Variants in EPHX1 observed in about 807,000 individuals in gnomAD.
EPHX1 encodes epoxide hydrolase 1, also known as epoxide hydratase.
EPHX1 carries 40 observed loss-of-function variants against 43.2 expected under a neutral mutation model. The observed-to-expected ratio is 0.93, with a 90% confidence interval of 0.72 to 1.21. EPHX1 has a LOEUF of 1.21. Among genes scored for constraint, EPHX1 ranks in the 50% most tolerant of loss-of-function variants. The pLI, the probability that EPHX1 is intolerant of heterozygous loss-of-function variation, is 0.00. For missense variants in EPHX1, 550 were observed against 570.4 expected (o/e 0.96, Z 0.36); for synonymous variants, 221 against 226.7 (o/e 0.98, Z 0.22).
At chr1:225,829,837 G>A (rs1444792803) in intron 2 of EPHX1, among the ~76,000 whole-genome samples, 1 of 152,214 alleles carries the variant, frequency 6.6e-6, no homozygotes, top group Non-Finnish European at 1.5e-5. Context: ...CACTTTAGGA[G>A]GCTGAGGCGG....
intron 1 of EPHX1, among the ~76,000 whole-genome samples, chr1:225,821,461 G>A (rs1464122359): frequency 6.6e-6 from 1 of 151,684 alleles, no homozygotes; most frequent in South Asian, 2.1e-4. Context: ...GGCCAGGCTG[G>A]TCACGAACTC....
chr1:225,812,236 C>T (rs1666517764), intron 1 of EPHX1, among the ~76,000 whole-genome samples: 1 of 152,202 alleles, frequency 6.6e-6, no homozygotes, highest in Non-Finnish European at 1.5e-5. Flanking sequence ...CGGCCTTCTT[C>T]CCAATTCCAG....
chr1:225,839,379 G>GTT (rs1362924775), intron 5 of EPHX1, 33 bp downstream of exon 5: 1 of 1,596,206 alleles, frequency 6.3e-7, no homozygotes, highest in Non-Finnish European at 8.6e-7. Flanking sequence ...GTGTGTGTGT[G>GTT]TGTGTGTGTG....
chr1:225,812,428 G>C (rs993571289), intron 1 of EPHX1, among the ~76,000 whole-genome samples: 1 of 152,190 alleles, frequency 6.6e-6, no homozygotes, highest in Non-Finnish European at 1.5e-5. Flanking sequence ...CCCTGAATGA[G>C]GGCTCTGTGG....
At chr1:225,810,779 A>G (rs1002302759) in intron 1 of EPHX1, among the ~76,000 whole-genome samples, 33 of 151,338 alleles carry the variant, frequency 2.2e-4, no homozygotes, top group Non-Finnish European at 3.4e-4. Flanking sequence ...GGGGGTCACA[A>G]GGTGCTCAGT....
At chr1:225,833,015 T>C (rs1667703500) in intron 3 of EPHX1, among the ~76,000 whole-genome samples, 1 of 152,226 alleles carries the variant, frequency 6.6e-6, no homozygotes, top group Admixed American at 6.5e-5. Flanking sequence ...AAGGTCTTGC[T>C]GTGTTGCTCA....
At chr1:225,839,459 G>C in intron 5 of EPHX1, 113 bp downstream of exon 5, 1 of 1,542,796 alleles carries the variant, frequency 6.5e-7, no homozygotes, top group East Asian at 2.4e-5. Flanking sequence ...GGGGAGAGGA[G>C]GGAGTGTGAC....
chr1:225,838,131 C>T (rs75485044), intron 3 of EPHX1, among the ~76,000 whole-genome samples: 112 of 152,252 alleles, frequency 7.4e-4, no homozygotes, highest in African/African-American at 2.5e-3. Flanking sequence ...TTGCTTTTAC[C>T]TCCCAGCAAT....
rs149817456 is a variant in EPHX1 at position 225,843,708 on chromosome 1, G to A, written c.1041-790G>A. ...TCAGATCTGTGTTCTAGAAAGAACAGGAATACACTAGGGTGGAAATGGTGG... is the reference window on the plus strand; with the variant it reads ...TCAGATCTGTGTTCTAGAAAGAACAAGAATACACTAGGGTGGAAATGGTGG... On this transcript the variant is annotated intron_variant, in intron 7 of 8. Coordinates refer to ENST00000272167, the MANE Select transcript of EPHX1 (RefSeq NM_001136018.4). Among the ~76,000 whole-genome samples the A allele has an allele frequency of 1.2e-3, 186 of 152,366 alleles. 1 individual carries two copies. The highest frequency in any genetic ancestry group is 3.7e-3 in the African/African-American group (154 of 41,582).
rs1253945439 is a variant in EPHX1 at position 225,834,109 on chromosome 1, AAAG to A, written c.364+2153_364+2155del. On this transcript the variant is annotated intron_variant, in intron 3 of 8. Coordinates refer to ENST00000272167, the MANE Select transcript of EPHX1 (RefSeq NM_001136018.4). The stretch of plus-strand genomic sequence containing the variant: ...CAAGACTCTGTCTCAAAAAAAAAAA[AAAG>A]AAAAAAAAAAAAAGCCGGGTGCGGT... Among the ~76,000 whole-genome samples the A allele has an allele frequency of 2.5e-4, 22 of 87,182 alleles. 1 individual carries two copies. The highest frequency in any genetic ancestry group is 2.0e-3 in the Admixed American group (15 of 7,510). 57.2% of individuals were successfully genotyped at this position (87,182 alleles called of 152,430 possible). A position where few individuals can be genotyped will look rare whatever the true frequency, so the allele number is the denominator to read the frequency against.
Position 225,825,448 on chromosome 1 carries a change from G to A in EPHX1, c.-5-3277G>A, listed in dbSNP as rs376152577. The A allele has an allele frequency of 1.1e-4, 16 of 152,352 alleles. No individual in the cohort carries two copies. The East Asian group carries it at 1.2e-3, about 11-fold the overall frequency. The allele number at this position is 152,352 out of a possible 1,614,324, so 9.4% of individuals were successfully genotyped here. ...AGAACGTGGAGCCTGGTGGACAGGT[G>A]AAAGCACTGGGATCTTTCTGCCCAG... On this transcript the variant is annotated intron_variant, in intron 1 of 8. Coordinates refer to ENST00000272167, the MANE Select transcript of EPHX1 (RefSeq NM_001136018.4).
rs552056481 is a variant in EPHX1 at position 225,845,226 on chromosome 1, A to G, written c.1247A>G (p.Lys416Arg). 6.0e-5 allele frequency: 97 copies of G among 1,614,094 alleles called. 1 individual carries two copies. In the South Asian group the frequency reaches 1.0e-3, roughly 17 times the overall value. The change falls in exon 9 of 9, where the codon AAG (lysine) becomes AGG (arginine). Residue 416 changes from lysine to arginine, a missense_variant. Lys to Arg is a conservative substitution (Grantham distance 26). Transcript: ENST00000272167. ...LHTPEKWVRF[K>R]YPKLISYSYM... The stretch of plus-strand genomic sequence containing the variant: ...ACGCCTGAAAAGTGGGTGAGGTTCA[A>G]GTACCCAAAGCTCATCTCCTATTCC...
chr1:225,819,949 C>T (rs1666908785), intron 1 of EPHX1, among the ~76,000 whole-genome samples: 1 of 152,226 alleles, frequency 6.6e-6, no homozygotes, highest in African/African-American at 2.4e-5. Flanking sequence ...TCTGCCTCAA[C>T]ATCCCAATCT....
At chr1:225,842,340 C>T in intron 6 of EPHX1, 26 bp from the exon 7 acceptor site, 1 of 1,524,158 alleles carries the variant, frequency 6.6e-7, no homozygotes, top group Non-Finnish European at 9.1e-7. Flanking sequence ...GCCTGAGTCT[C>T]TCCCTTGCTC....
intron 1 of EPHX1, among the ~76,000 whole-genome samples, chr1:225,828,402 T>C (rs950965793): frequency 6.6e-6 from 1 of 151,750 alleles, no homozygotes; most frequent in Non-Finnish European, 1.5e-5. Context: ...TACCCAGGGC[T>C]GTGCAGAAGC....
Position 225,838,650 on chromosome 1 carries a change from C to G in EPHX1, c.365-4C>G, listed in dbSNP as rs201200303. On this transcript the variant is annotated splice_region_variant and splice_polypyrimidine_tract_variant and intron_variant, in intron 3 of 8. Transcript: ENST00000272167. ...TCCACCCTGACTGTGCTCTGTCCCC[C>G]CAGGGCTGGACATCCACTTCATCCA... 3.1e-6 allele frequency: 5 copies of G among 1,613,214 alleles called. No homozygotes were observed. In the East Asian group the frequency reaches 1.1e-4, roughly 36 times the overall value.
In EPHX1 at chr1:225,844,616, C is replaced by T. The variant is rs763218220; in HGVS notation, c.1159C>T (p.His387Tyr). 1.1e-5 allele frequency: 17 copies of T among 1,614,086 alleles called. No homozygotes were observed. In the South Asian group the frequency reaches 1.5e-4, roughly 15 times the overall value. ...GGGACAGGGCTGGATGACCCAGAAG[C>T]ATGAGCGGTGAGCCTGGCTGAGCCG... ...NLGQGWMTQK[H>Y]ERMKVYVPTG... The change falls in exon 8 of 9, where the codon CAT becomes TAT. Residue 387 changes from histidine (H) to tyrosine (Y), a missense_variant. Physicochemically the swap from His to Tyr is moderately conservative, Grantham distance 83. Coordinates refer to ENST00000272167, the MANE Select transcript of EPHX1 (RefSeq NM_001136018.4).
At chr1:225,829,969 T>G (rs1667486754) in intron 2 of EPHX1, among the ~76,000 whole-genome samples, 1 of 151,846 alleles carries the variant, frequency 6.6e-6, no homozygotes, top group African/African-American at 2.4e-5. Flanking sequence ...TCCCAGCTAC[T>G]CGGGAGGCTG....
At chr1:225,813,457 T>C (rs918046512) in intron 1 of EPHX1, among the ~76,000 whole-genome samples, 3 of 152,112 alleles carry the variant, frequency 2.0e-5, no homozygotes, top group African/African-American at 7.2e-5. Flanking sequence ...TTGCCAAGGA[T>C]CCAGCCACAC....
Sources: allele counts gnomAD v4.1 joint callset (sites outside exome capture counted in the v4.1 genomes callset), GRCh38; gene constraint gnomAD v4.1.1; transcripts MANE v1.5; gene names NCBI Gene and HGNC (gene_info 2026-07-23, HGNC 2026-07-21).